Variants in ADGRL1 observed in about 807,000 individuals in gnomAD.
The protein encoded by ADGRL1 is adhesion G protein-coupled receptor L1.
A neutral mutation model predicts 148.9 loss-of-function variants in ADGRL1; 31 were observed. The ratio of observed to expected loss-of-function variants is 0.21; its 90% confidence interval spans 0.16 to 0.28. The LOEUF (loss-of-function observed/expected upper bound fraction) is 0.28, where lower values mean the gene tolerates loss of function less well. Among genes scored for constraint, ADGRL1 ranks in the 10% least tolerant of loss-of-function variants. ADGRL1 has a pLI of 1.00. For synonymous variants in ADGRL1, 937 were observed against 900.3 expected (o/e 1.04, Z -0.73); for missense variants, 1,521 against 2,058.8 (o/e 0.74, Z 5.05).
intron 2 of ADGRL1, among the ~76,000 whole-genome samples, chr19:14,182,509 C>A (rs1971267879): frequency 6.6e-6 from 1 of 152,202 alleles, no homozygotes; most frequent in Admixed American, 6.5e-5. Flanking sequence ...TTCCAGAGAT[C>A]TGGGTGGGTA....
Position 14,183,648 on chromosome 19 carries a change from GGGGCTTTGCC to G in ADGRL1, c.-56_-47del. The G allele has an allele frequency of 6.6e-7, 1 of 1,517,172 alleles. No individual in the cohort carries two copies. Among genetic ancestry groups the G allele is most frequent in the Non-Finnish European group, 8.9e-7 (1 of 1,119,180 alleles). 94.0% of individuals were successfully genotyped at this position (1,517,172 alleles called of 1,614,324 possible). On this transcript the variant is annotated 5_prime_UTR_variant, in exon 2 of 23. The change abolishes the stop of an existing upstream ORF in the 5' untranslated region. Coordinates refer to ENST00000361434, the MANE Select transcript of ADGRL1 (RefSeq NM_014921.5). ...CCGGAGCTCTCAGTGGCCTGTGCGG[GGGGCTTTGCC>G]CCACATCACCTGGCAGGCACCACGG...
Position 14,159,524 on chromosome 19 carries a change from T to C in ADGRL1, c.1900A>G (p.Met634Val), listed in dbSNP as rs1969119380. 6.2e-7 allele frequency: 1 copy of C among 1,612,270 alleles called. No homozygotes were observed. The highest frequency in any genetic ancestry group is 8.5e-7 in the Non-Finnish European group (1 of 1,178,892). The change falls in exon 10 of 23, where the codon ATG (methionine) becomes GTG (valine). Residue 634 changes from methionine (M) to valine (V), a missense_variant. Physicochemically the swap from Met to Val is conservative, Grantham distance 21. Around this residue, in one of 8 missense-constraint regions of ADGRL1, gnomAD observed 265 missense variants for 431.9 expected, o/e 0.61. Transcript: ENST00000361434. The surrounding 1 kb of genome is among the most constrained non-coding windows in gnomAD (Gnocchi z 6.0). ...GTGTGCACCTGCTCCGTGGCATTCATGTCCTTCCAGGACTCCAGAGCTTCT... is the reference window on the plus strand; with the variant it reads ...GTGTGCACCTGCTCCGTGGCATTCACGTCCTTCCAGGACTCCAGAGCTTCT... ...RPEALESWKD[M>V]NATEQVHTAT... is the part of the protein sequence containing the mutation.
rs1290359826 is a variant in ADGRL1, at chr19:14,156,929, T to C, written c.2962A>G (p.Lys988Glu). 6.2e-7 allele frequency: 1 copy of C among 1,609,430 alleles called. No homozygotes were observed. Among genetic ancestry groups the C allele is most frequent in the Non-Finnish European group, 8.5e-7 (1 of 1,179,508 alleles). Residue 988 changes from lysine (K) to glutamate (E), a missense_variant, in exon 15 of 23, where the codon AAG becomes GAG. This residue lies in a region of ADGRL1 where 185 missense variants were observed against 251.7 expected (regional missense o/e 0.74). Coordinates refer to ENST00000361434, the MANE Select transcript of ADGRL1 (RefSeq NM_014921.5). ...AIDYRSYGTE[K>E]ACWLRVDNYF... ...GGCTGGGAGGTGGAAACTCACGCCTTCTCGGTGCCGTAGCTGCGGTAGTCA... is the reference window on the plus strand; with the variant it reads ...GGCTGGGAGGTGGAAACTCACGCCTCCTCGGTGCCGTAGCTGCGGTAGTCA...
intron 4 of ADGRL1, among the ~76,000 whole-genome samples, chr19:14,165,018 G>T (rs181235608): frequency 3.0e-4 from 46 of 152,318 alleles, no homozygotes; most frequent in African/African-American, 1.1e-3. Flanking sequence ...GGGATCGGGG[G>T]GCTGGGACCT....
At chr19:14,201,690 A>C (rs769570995) in intron 1 of ADGRL1, among the ~76,000 whole-genome samples, 4 of 152,044 alleles carry the variant, frequency 2.6e-5, no homozygotes, top group African/African-American at 4.8e-5. Flanking sequence ...TTCTGGGTTT[A>C]CAGGTGTGAG....
In ADGRL1 at chr19:14,161,080, C is replaced by T. The variant is rs963987399; in HGVS notation, c.1510+232G>A. Among the ~76,000 whole-genome samples the T allele has an allele frequency of 6.6e-6, 1 of 151,886 alleles. No homozygotes were observed. The highest frequency in any genetic ancestry group is 2.4e-5 in the African/African-American group (1 of 41,326). ...TGTGCCTGGGGCTGTGGCAGGTCAG[C>T]CTGAGGCCGGGAGCCAGGTCACCTC... is the stretch of plus-strand genomic sequence containing the variant. On this transcript the variant is annotated intron_variant, in intron 6 of 22. Transcript: ENST00000361434. The surrounding 1 kb of genome is among the most constrained non-coding windows in gnomAD (Gnocchi z 4.4).
chr19:14,202,241 CTTTT>C (rs150218463), intron 1 of ADGRL1, among the ~76,000 whole-genome samples: 12,432 of 151,666 alleles, frequency 0.082, 658 homozygotes, highest in Non-Finnish European at 0.12. Context: ...GAGAGTTTTG[CTTTT>C]TTGTTTTGGG....
Position 14,160,543 on chromosome 19 carries a change from G to A in ADGRL1, c.1614+50C>T, listed in dbSNP as rs920334212. 7.2e-7 allele frequency: 1 copy of A among 1,387,196 alleles called. No homozygotes were observed. The highest frequency in any genetic ancestry group is 9.9e-7 in the Non-Finnish European group (1 of 1,013,452). 85.9% of individuals were successfully genotyped at this position (1,387,196 alleles called of 1,614,324 possible). On this transcript the variant is annotated intron_variant, in intron 7 of 22. Coordinates refer to ENST00000361434, the MANE Select transcript of ADGRL1 (RefSeq NM_014921.5). This position sits in a 1 kb window ranked among gnomAD's most constrained non-coding sequence, Gnocchi z 5.9. ...CTCCACGACCCCCGCTGGGCCCTGG[G>A]CCCTGGGCCCGAGCACATGTGCCTG...
intron 1 of ADGRL1, among the ~76,000 whole-genome samples, chr19:14,196,159 C>T (rs1171087304): frequency 1.3e-5 from 2 of 152,214 alleles, no homozygotes; most frequent in Non-Finnish European, 2.9e-5. Context: ...ATCTCTACCT[C>T]GAGGCGAGAA....
chr19:14,161,004 A>C lies in ADGRL1; in HGVS notation c.1510+308T>G, dbSNP rs184944330. Among the ~76,000 whole-genome samples the C allele has an allele frequency of 3.8e-3, 580 of 152,260 alleles. 21 individuals are homozygous for C. The highest frequency in any genetic ancestry group is 0.033 in the Admixed American group (509 of 15,300). On this transcript the variant is annotated intron_variant, in intron 6 of 22. Transcript: ENST00000361434. This position sits in a 1 kb window ranked among gnomAD's most constrained non-coding sequence, Gnocchi z 4.4. ...AACCCTCCCCTCAGATCTCCAGGAC[A>C]CACGGCCCTGCCCTTTTTGCACTTC... is the stretch of plus-strand genomic sequence containing the variant.
At position 14,148,464 on chromosome 19, in the gene ADGRL1, G is replaced by C. The variant is rs1599369488; in HGVS notation, c.*2409C>G. On this transcript the variant is annotated 3_prime_UTR_variant, in exon 23 of 23. Transcript: ENST00000361434. ...CCTGGCCCTCCTCCTGGTGTCGGGGGCAGCCACAGGCTGGGCTGCTTCCCG... is the reference window on the plus strand; with the variant it reads ...CCTGGCCCTCCTCCTGGTGTCGGGGCCAGCCACAGGCTGGGCTGCTTCCCG... The C allele has an allele frequency of 6.6e-6, 1 of 152,450 alleles. No individual in the cohort carries two copies. 9.4% of individuals were successfully genotyped at this position (152,450 alleles called of 1,614,324 possible).
chr19:14,158,980 G>A, intron 11 of ADGRL1, 110 bp downstream of exon 11: 2 of 1,359,050 alleles, frequency 1.5e-6, no homozygotes, highest in East Asian at 2.3e-5. Context: ...ACTAGCATGA[G>A]AAAAGGTCAG....
chr19:14,177,943 T>C lies in ADGRL1; in HGVS notation c.71-199A>G, dbSNP rs186299205. Among the ~76,000 whole-genome samples the C allele has an allele frequency of 3.3e-4, 50 of 152,084 alleles. 1 individual carries two copies. In the East Asian group the frequency reaches 9.7e-3, roughly 29 times the overall value. On this transcript the variant is annotated intron_variant, in intron 2 of 22. Coordinates refer to ENST00000361434, the MANE Select transcript of ADGRL1 (RefSeq NM_014921.5). ...GAGGACATTAACCTGGCCCAGAGAG[T>C]GCCTGGACTCTCAGCTCCTAGGAAG...
intron 2 of ADGRL1, among the ~76,000 whole-genome samples, chr19:14,181,233 A>AAAACATGGGAATG (rs1971169250): frequency 6.6e-6 from 1 of 152,236 alleles, no homozygotes; most frequent in South Asian, 2.1e-4. Context: ...AGGAGCAGAG[A>AAAACATGGGAATG]AAACATGGGA....
Position 14,206,126 on chromosome 19 carries a change from C to T in ADGRL1, c.-237G>A, listed in dbSNP as rs1224939199. 4 of 151,182 alleles carry T rather than the reference C, an allele frequency of 2.6e-5. No homozygotes were observed. Among genetic ancestry groups the T allele is most frequent in the African/African-American group, 9.7e-5 (4 of 41,140 alleles). 9.4% of individuals were successfully genotyped at this position (151,182 alleles called of 1,614,324 possible). A position where few individuals can be genotyped will look rare whatever the true frequency, so the allele number is the denominator to read the frequency against. On this transcript the variant is annotated 5_prime_UTR_variant, in exon 1 of 23. Coordinates refer to ENST00000361434, the MANE Select transcript of ADGRL1 (RefSeq NM_014921.5). The stretch of plus-strand genomic sequence containing the variant: ...GGCGGGACGAGGGCGGCCTCCGTGT[C>T]CCTTCCTTCCCCTGGCCCAGCACCG...
At chr19:14,198,061 A>G (rs1972375047) in intron 1 of ADGRL1, among the ~76,000 whole-genome samples, 1 of 152,124 alleles carries the variant, frequency 6.6e-6, no homozygotes, top group Non-Finnish European at 1.5e-5. Context: ...TGCAAAGAGC[A>G]TTCTGGGCAG....
chr19:14,148,319 G>A lies in ADGRL1; in HGVS notation c.*2554C>T, dbSNP rs768052512. 2.0e-5 allele frequency: 3 copies of A among 152,480 alleles called. No individual in the cohort carries two copies. Among genetic ancestry groups the A allele is most frequent in the East Asian group, 1.9e-4 (1 of 5,196 alleles). 9.4% of individuals were successfully genotyped at this position (152,480 alleles called of 1,614,324 possible). A position where few individuals can be genotyped will look rare whatever the true frequency, so the allele number is the denominator to read the frequency against. Reference sequence around the variant, plus strand: ...GGCCTGGAAGCCACCCGGCGATGCCGGCTGGAACAGGACCCGATACACCCT... The same window carrying A: ...GGCCTGGAAGCCACCCGGCGATGCCAGCTGGAACAGGACCCGATACACCCT... On this transcript the variant is annotated 3_prime_UTR_variant, in exon 23 of 23. Transcript: ENST00000361434.
intron 2 of ADGRL1, among the ~76,000 whole-genome samples, chr19:14,179,183 C>A (rs1971020376): frequency 6.8e-6 from 1 of 147,562 alleles, no homozygotes; most frequent in African/African-American, 2.5e-5. Flanking sequence ...CATTCCATCT[C>A]AAAAATAAAT....
chr19:14,163,919 A>G (rs1599428131), intron 4 of ADGRL1, among the ~76,000 whole-genome samples: 1 of 149,894 alleles, frequency 6.7e-6, no homozygotes, highest in South Asian at 2.1e-4. Flanking sequence ...CCAGGATCCC[A>G]TCCTTCACCA....
Sources: gnomAD v4.1 joint callset for allele counts (sites outside exome capture counted in the v4.1 genomes callset) on GRCh38, gnomAD v4.1.1 for gene constraint, gnomAD v4.1.1 regional missense constraint, Gnocchi (gnomAD v3.1) non-coding constraint, MANE v1.5 for transcripts, NCBI Gene and HGNC (gene_info 2026-07-23, HGNC 2026-07-21) for gene names.